Variants in CLEC16A observed in about 807,000 individuals in gnomAD.
The protein encoded by CLEC16A is protein CLEC16A.
A neutral mutation model predicts 109.5 loss-of-function variants in CLEC16A; 51 were observed. The ratio of observed to expected loss-of-function variants is 0.47; its 90% CI spans 0.37 to 0.59. CLEC16A has a LOEUF of 0.59. Ranked by LOEUF, CLEC16A falls within the 20% of genes least tolerant of loss-of-function variation. The pLI, the probability that CLEC16A is intolerant of heterozygous loss-of-function variation, is 0.00. For missense variants in CLEC16A, 1,339 were observed against 1,394.0 expected (o/e 0.96, Z 0.63); for synonymous variants, 673 against 564.2 (o/e 1.19, Z -2.73).
chr16:10,995,217 T>C (rs1026100661), intron 10 of CLEC16A, among the ~76,000 whole-genome samples: 11 of 152,158 alleles, frequency 7.2e-5, no homozygotes, highest in African/African-American at 2.2e-4. Context: ...GCAGCACTGT[T>C]GGGGAGATGC....
intron 19 of CLEC16A, among the ~76,000 whole-genome samples, chr16:11,107,931 G>A (rs568822756): frequency 5.3e-5 from 8 of 152,268 alleles, no homozygotes; most frequent in South Asian, 4.2e-4. Flanking sequence ...CCTCCACCCC[G>A]CACTGAGCCG....
intron 19 of CLEC16A, among the ~76,000 whole-genome samples, chr16:11,106,456 A>ATTTTTTTTTTTTTT (rs538713695): frequency 7.5e-6 from 1 of 133,560 alleles, no homozygotes. Flanking sequence ...ACCCAGCCCA[A>ATTTTTTTTTTTTTT]TTTTTTTTTT....
intron 19 of CLEC16A, among the ~76,000 whole-genome samples, chr16:11,106,997 G>A (rs993295191): frequency 1.3e-5 from 2 of 152,144 alleles, no homozygotes; most frequent in Non-Finnish European, 2.9e-5. Context: ...TGTGTTAGGA[G>A]AACACAAGAG....
intron 11 of CLEC16A, among the ~76,000 whole-genome samples, chr16:11,003,532 A>G (rs2044798437): frequency 6.6e-6 from 1 of 152,128 alleles, no homozygotes; most frequent in South Asian, 2.1e-4. Context: ...CCCTCATGGG[A>G]TGGGTGACCT....
intron 20 of CLEC16A, 131 bp from the exon 21 acceptor site, chr16:11,123,611 G>T (rs1459698363): frequency 3.6e-6 from 3 of 834,866 alleles, no homozygotes; most frequent in Non-Finnish European, 5.7e-6. Context: ...GACTTGGGAG[G>T]CTGTCGATCT....
intron 1 of CLEC16A, among the ~76,000 whole-genome samples, chr16:10,955,673 C>T (rs540414175): frequency 5.3e-5 from 8 of 152,230 alleles, no homozygotes; most frequent in African/African-American, 1.7e-4. Context: ...GCAGACCCAC[C>T]CACCTAAGCC....
intron 19 of CLEC16A, among the ~76,000 whole-genome samples, chr16:11,091,993 G>A (rs1675635890): frequency 6.6e-6 from 1 of 152,120 alleles, no homozygotes; most frequent in African/African-American, 2.4e-5. Context: ...TCACTGTAGG[G>A]TCTGCTTGGA....
At chr16:10,975,823 T>A (rs948860857) in intron 7 of CLEC16A, among the ~76,000 whole-genome samples, 50 of 152,060 alleles carry the variant, frequency 3.3e-4, no homozygotes, top group African/African-American at 4.8e-4. Context: ...ATTTTTTTTT[T>A]AATATTTTTA....
At chr16:11,128,226 C>T (rs533455760) in intron 22 of CLEC16A, among the ~76,000 whole-genome samples, 76 of 152,314 alleles carry the variant, frequency 5.0e-4, no homozygotes, top group African/African-American at 1.8e-3. Context: ...GCCAAGCGGC[C>T]CATTCTTCAG....
chr16:11,126,315 C>G (rs2052816314), intron 22 of CLEC16A, 169 bp downstream of exon 22: 2 of 1,500,818 alleles, frequency 1.3e-6, no homozygotes, highest in Non-Finnish European at 1.8e-6. Flanking sequence ...TTAAACACAG[C>G]CCCCAAAATA....
chr16:10,971,383 C>T (rs2042779037), intron 5 of CLEC16A, 153 bp downstream of exon 5: 3 of 401,400 alleles, frequency 7.5e-6, no homozygotes, highest in East Asian at 1.6e-4. Context: ...TTGGAATCCC[C>T]TAGCATTTAG....
intron 11 of CLEC16A, among the ~76,000 whole-genome samples, chr16:11,019,091 C>G (rs1235883284): frequency 3.3e-5 from 5 of 152,118 alleles, no homozygotes; most frequent in African/African-American, 9.7e-5. Context: ...GTGTTCACAT[C>G]CCTCTGGAAA....
intron 13 of CLEC16A, among the ~76,000 whole-genome samples, chr16:11,029,971 A>C (rs962332203): frequency 6.6e-6 from 1 of 152,222 alleles, no homozygotes; most frequent in African/African-American, 2.4e-5. Flanking sequence ...TTGTATAAAC[A>C]GAGTCATGCA....
At position 10,961,959 on chromosome 16, in the gene CLEC16A, C is replaced by A. The variant is rs902911365; in HGVS notation, c.210-496C>A. Among the ~76,000 whole-genome samples the A allele has an allele frequency of 1.1e-5, 1 of 92,834 alleles. No individual in the cohort carries two copies. The highest frequency in any genetic ancestry group is 2.0e-5 in the Non-Finnish European group (1 of 49,948). The allele number at this position is 92,834 out of a possible 152,430, so 60.9% of individuals were successfully genotyped here. A position where few individuals can be genotyped will look rare whatever the true frequency, so the allele number is the denominator to read the frequency against. On this transcript the variant is annotated intron_variant, in intron 2 of 23. Transcript: ENST00000409790. This position sits in a 1 kb window ranked among gnomAD's most constrained non-coding sequence, Gnocchi z 4.3. ...TAAAGCTTTTTGGGAACTTTTTTTT[C>A]TTTTTTTTCTTTTTTTTTTTTTTGG...
chr16:10,971,456 A>C, intron 5 of CLEC16A: 1 of 676,250 alleles, frequency 1.5e-6, no homozygotes, highest in Non-Finnish European at 1.8e-6. Context: ...ATGCTGCTAC[A>C]TAGAAGTAGG....
chr16:11,006,517 G>A (rs1402962966), intron 11 of CLEC16A, among the ~76,000 whole-genome samples: 4 of 151,942 alleles, frequency 2.6e-5, no homozygotes, highest in Admixed American at 6.6e-5. Flanking sequence ...CGGACTTATC[G>A]ACAGATGGAC....
rs143113511 is a variant in CLEC16A at position 10,969,707 on chromosome 16, G to A, written c.492+398G>A. 1.1e-3 allele frequency among the ~76,000 whole-genome samples: 169 copies of A among 152,270 alleles called. 1 individual carries two copies. Among genetic ancestry groups the A allele is most frequent in the African/African-American group, 3.9e-3 (163 of 41,552 alleles). On this transcript the variant is annotated intron_variant, in intron 4 of 23. Transcript: ENST00000409790. ...TTCTGAGAGCTTTATACTTGGTAGA[G>A]AGGAGACATGCCCAGATGTTGTCTT... is the stretch of plus-strand genomic sequence containing the variant.
intron 19 of CLEC16A, among the ~76,000 whole-genome samples, chr16:11,063,646 A>G (rs2048610783): frequency 6.6e-6 from 1 of 152,028 alleles, no homozygotes; most frequent in East Asian, 1.9e-4. Flanking sequence ...AGCGTAAAGG[A>G]TATTCCCCAG....
intron 19 of CLEC16A, among the ~76,000 whole-genome samples, chr16:11,062,747 C>G (rs1356314137): frequency 6.6e-6 from 1 of 152,184 alleles, no homozygotes; most frequent in African/African-American, 2.4e-5. Context: ...GCCTCTCTGC[C>G]TGCTGCCCAA....
Sources: allele counts gnomAD v4.1 joint callset (sites outside exome capture counted in the v4.1 genomes callset), GRCh38; gene constraint gnomAD v4.1.1; non-coding constraint Gnocchi (gnomAD v3.1); transcripts MANE v1.5; gene names NCBI Gene and HGNC (gene_info 2026-07-23, HGNC 2026-07-21).